The following ZP2 variants were observed in gnomAD, a reference collection of about 807,000 sequenced individuals.
The protein encoded by ZP2 is zona pellucida sperm-binding protein 2.
Under a neutral mutation model 84.0 loss-of-function variants are expected in ZP2, and 51 were observed. The observed-to-expected ratio is 0.61, with a 90% CI of 0.49 to 0.77. The LOEUF (loss-of-function observed/expected upper bound fraction) is 0.77, where lower values mean the gene tolerates loss of function less well. Among genes scored for constraint, ZP2 ranks in the 30% least tolerant of loss-of-function variants. ZP2 has a pLI of 0.00. For missense variants in ZP2, 909 were observed against 911.9 expected (o/e 1.00, Z 0.04); for synonymous variants, 375 against 330.9 (o/e 1.13, Z -1.45).
Position 21,211,356 on chromosome 16 carries a change from A to G in ZP2, c.102T>C (p.Thr34=). 6.2e-7 allele frequency: 1 copy of G among 1,614,186 alleles called. No individual in the cohort carries two copies. Among genetic ancestry groups the G allele is most frequent in the Non-Finnish European group, 8.5e-7 (1 of 1,180,036 alleles). Residue 34 remains threonine, a synonymous_variant, in exon 2 of 19, where the codon ACT becomes ACC. Coordinates refer to ENST00000574091, the MANE Select transcript of ZP2 (RefSeq NM_001376232.1). ...RSISLFFALV[T]SGNSIDVSQL... Reference sequence around the variant, plus strand: ...GAGAAACATCTATGGAGTTCCCTGAAGTCACAAGGGCGAAGAAGAGAGAAA... The same window carrying G: ...GAGAAACATCTATGGAGTTCCCTGAGGTCACAAGGGCGAAGAAGAGAGAAA...
chr16:21,210,478 G>A (rs1469375640), intron 2 of ZP2, among the ~76,000 whole-genome samples: 1 of 152,182 alleles, frequency 6.6e-6, no homozygotes, highest in Non-Finnish European at 1.5e-5. Context: ...TGACAGTGGA[G>A]CAGATGGAGG....
rs1441269887 is a variant in ZP2, at chr16:21,205,456, A to T, written c.657T>A (p.His219Gln). The T allele has an allele frequency of 1.2e-6, 2 of 1,614,042 alleles. No homozygotes were observed. Among genetic ancestry groups the T allele is most frequent in the Non-Finnish European group, 1.7e-6 (2 of 1,180,020 alleles). Residue 219 changes from histidine (H) to glutamine (Q), a missense_variant, in exon 7 of 19, where the codon CAT (histidine) becomes CAA (glutamine). His to Gln is a conservative substitution (Grantham distance 24). Transcript: ENST00000574091. ...TCACTCCAGTGGCATTGAATGGCAC[A>T]TGGAAGGTCATCCTGTGGTTGTCAA... ...LLIDNHRMTF[H>Q]VPFNATGVTH... is the part of the protein sequence containing the mutation.
chr16:21,209,687 G>C lies in ZP2; in HGVS notation c.274C>G (p.Leu92Val). Reference sequence around the variant, plus strand: ...CTCAGGGTGAGCTTTTCTGGGTCCAGGATGTAAGTGCAGTTCGGCATGTCG... The same window carrying C: ...CTCAGGGTGAGCTTTTCTGGGTCCACGATGTAAGTGCAGTTCGGCATGTCG... ...GLDMPNCTYI[L>V]DPEKLTLRAT... The change falls in exon 4 of 19, where the codon CTG becomes GTG. Residue 92 changes from leucine to valine, a missense_variant. Physicochemically the swap from Leu to Val is conservative, Grantham distance 32. Coordinates refer to ENST00000574091, the MANE Select transcript of ZP2 (RefSeq NM_001376232.1). The C allele has an allele frequency of 1.2e-6, 2 of 1,614,166 alleles. No homozygotes were observed. Among genetic ancestry groups the C allele is most frequent in the Non-Finnish European group, 1.7e-6 (2 of 1,180,002 alleles).
chr16:21,197,625 A>T lies in ZP2; in HGVS notation c.2096-3T>A. 1 of 1,614,168 alleles carries T rather than the reference A, an allele frequency of 6.2e-7. No homozygotes were observed. Among genetic ancestry groups the T allele is most frequent in the Non-Finnish European group, 8.5e-7 (1 of 1,180,004 alleles). On this transcript the variant is annotated splice_region_variant and splice_polypyrimidine_tract_variant and intron_variant, in intron 18 of 18. Transcript: ENST00000574091. ...GTGCCCTTTGGTGTCCATAGCACCT[A>T]CAAAGGAAGCAGACATTTGAGTCTT...
At chr16:21,197,669 G>T in intron 18 of ZP2, 47 bp from the exon 19 acceptor site, 2 of 1,613,206 alleles carry the variant, frequency 1.2e-6, no homozygotes, top group Non-Finnish European at 1.7e-6. Flanking sequence ...TTAAATAAGG[G>T]TAAGTGGAAG....
chr16:21,208,443 C>T (rs958069994), intron 4 of ZP2, among the ~76,000 whole-genome samples: 1 of 152,218 alleles, frequency 6.6e-6, no homozygotes, highest in African/African-American at 2.4e-5. Flanking sequence ...GGGTCTAAGA[C>T]TGTATCTGTA....
At chr16:21,214,092 C>T, upstream of ZP2, 2 of 305,262 alleles carry the variant, frequency 6.6e-6, no homozygotes, top group Non-Finnish European at 9.6e-6. Flanking sequence ...CAGCTTTGGT[C>T]AGAGCCCCCA....
intron 4 of ZP2, among the ~76,000 whole-genome samples, chr16:21,207,675 CA>C (rs1567216062): frequency 1.5e-4 from 15 of 98,844 alleles, no homozygotes; most frequent in African/African-American, 5.4e-4. Context: ...CACACACACA[CA>C]CACACCACAA....
chr16:21,208,662 C>A (rs1308356859), intron 4 of ZP2, among the ~76,000 whole-genome samples: 1 of 152,162 alleles, frequency 6.6e-6, no homozygotes, highest in Non-Finnish European at 1.5e-5. Flanking sequence ...AATAGAAAAA[C>A]CCTTACTGCT....
rs146232988 is a variant in ZP2, at chr16:21,199,965, A to G, written c.1695-87T>C. 5.0e-5 allele frequency: 77 copies of G among 1,544,604 alleles called. No individual in the cohort carries two copies. In the African/African-American group the frequency reaches 8.3e-4, roughly 17 times the overall value. The stretch of plus-strand genomic sequence containing the variant: ...CTGCCCAGATTTAGTCATACGTAAT[A>G]TCTTCAGAACTATTGCCATATTTAC... On this transcript the variant is annotated intron_variant, in intron 14 of 18. Coordinates refer to ENST00000574091, the MANE Select transcript of ZP2 (RefSeq NM_001376232.1).
intron 14 of ZP2, among the ~76,000 whole-genome samples, chr16:21,200,573 G>A (rs910116670): frequency 1.3e-5 from 2 of 152,216 alleles, no homozygotes; most frequent in Non-Finnish European, 2.9e-5. Context: ...CAGGAGAGCT[G>A]TAAGGTTGAA....
At chr16:21,208,219 AAG>A (rs2093259190) in intron 4 of ZP2, among the ~76,000 whole-genome samples, 1 of 152,316 alleles carries the variant, frequency 6.6e-6, no homozygotes, top group Admixed American at 6.5e-5. Context: ...CTGCCTCAGA[AAG>A]AGACCATGGA....
chr16:21,199,297 G>A (rs150097299), intron 16 of ZP2, among the ~76,000 whole-genome samples: 16 of 100,034 alleles, frequency 1.6e-4, no homozygotes, highest in African/African-American at 6.3e-4. Context: ...TCCAGCCTGG[G>A]CAACAAGAGC....
intron 5 of ZP2, chr16:21,206,101 G>T (rs533959156): frequency 1.7e-5 from 6 of 345,066 alleles, no homozygotes; most frequent in Non-Finnish European, 3.3e-5. Flanking sequence ...GGGTTCAAGC[G>T]ATTCTCCTGC....
Position 21,211,538 on chromosome 16 carries a change from T to C in ZP2, c.10A>G (p.Arg4Gly), listed in dbSNP as rs2093275430. MAC[R>G]QRGGSWSPSG... ...GGACTCCAAGAGCCTCCTCTCTGCC[T>C]GCACGCCATAGCAGAAGACACTACC... The change falls in exon 1 of 19, where the codon AGG becomes GGG. Residue 4 changes from arginine to glycine, a missense_variant. By Grantham distance (125) the Arg-to-Gly change is moderately radical. Transcript: ENST00000574091. The C allele has an allele frequency of 5.0e-6, 8 of 1,614,162 alleles. No homozygotes were observed. The highest frequency in any genetic ancestry group is 6.8e-6 in the Non-Finnish European group (8 of 1,180,030).
Position 21,205,505 on chromosome 16 carries a change from A to T in ZP2, c.608T>A (p.Met203Lys). 6.2e-7 allele frequency: 1 copy of T among 1,614,006 alleles called. No homozygotes were observed. The highest frequency in any genetic ancestry group is 8.5e-7 in the Non-Finnish European group (1 of 1,179,962). The change falls in exon 7 of 19, where the codon ATG (methionine) becomes AAG (lysine). Residue 203 changes from methionine to lysine, a missense_variant. Transcript: ENST00000574091. ...RAKTLTLPEAMKEGFSLLIDN... is the reference protein window; with the variant it reads ...RAKTLTLPEAKKEGFSLLIDN... ...AATCAAGAGGCTGAAGCCTTCCTTCATGGCCTCTGGCAGGGTCAGAGTTTT... is the reference window on the plus strand; with the variant it reads ...AATCAAGAGGCTGAAGCCTTCCTTCTTGGCCTCTGGCAGGGTCAGAGTTTT...
At position 21,199,804 on chromosome 16, in the gene ZP2, T is replaced by A; in HGVS notation, c.1769A>T (p.Tyr590Phe). Residue 590 changes from tyrosine to phenylalanine, a missense_variant, in exon 15 of 19, where the codon TAT (tyrosine) becomes TTT (phenylalanine). By Grantham distance (22) the Tyr-to-Phe change is conservative. Transcript: ENST00000574091. Reference protein sequence around the residue: ...VGSSVTHPDHYQRFDMKAFAF... With the variant: ...VGSSVTHPDHFQRFDMKAFAF... ...AAAAGCCTTCATGTCAAACCTCTGATAGTGATCAGGATGGGTCACAGAGGA... is the reference window on the plus strand; with the variant it reads ...AAAAGCCTTCATGTCAAACCTCTGAAAGTGATCAGGATGGGTCACAGAGGA... The A allele has an allele frequency of 6.2e-7, 1 of 1,613,940 alleles. No homozygotes were observed. Among genetic ancestry groups the A allele is most frequent in the Non-Finnish European group, 8.5e-7 (1 of 1,180,018 alleles).
Position 21,210,092 on chromosome 16 carries a change from T to C in ZP2, c.235+17A>G. 6 of 1,610,576 alleles carry C rather than the reference T, an allele frequency of 3.7e-6. No individual in the cohort carries two copies. Among genetic ancestry groups the C allele is most frequent in the Non-Finnish European group, 5.1e-6 (6 of 1,176,876 alleles). Reference sequence around the variant, plus strand: ...TCTGCTAATCAGGACTATGAGGAGATAACACACGTTACCTACCCACCACAG... The same window carrying C: ...TCTGCTAATCAGGACTATGAGGAGACAACACACGTTACCTACCCACCACAG... On this transcript the variant is annotated intron_variant, in intron 3 of 18. Coordinates refer to ENST00000574091, the MANE Select transcript of ZP2 (RefSeq NM_001376232.1).
chr16:21,202,333 C>T, intron 10 of ZP2, 42 bp from the exon 11 acceptor site: 3 of 1,464,716 alleles, frequency 2.0e-6, no homozygotes, highest in Non-Finnish European at 2.7e-6. Flanking sequence ...GTTTGTCTGC[C>T]CTGTGATACT....
Sources: allele counts gnomAD v4.1 joint callset (sites outside exome capture counted in the v4.1 genomes callset), GRCh38; gene constraint gnomAD v4.1.1; transcripts MANE v1.5; gene names NCBI Gene and HGNC (gene_info 2026-07-23, HGNC 2026-07-21).